Variants in CA7 observed in about 807,000 individuals in gnomAD.
The protein encoded by CA7 is carbonate dehydratase VII.
Under a neutral mutation model 31.4 loss-of-function variants are expected in CA7, and 13 were observed. That is an observed-to-expected ratio of 0.41 (90% CI 0.27 to 0.66). CA7 has a LOEUF of 0.66. Among genes scored for constraint, CA7 ranks in the 30% least tolerant of loss-of-function variants. The pLI, the probability that CA7 is intolerant of heterozygous loss-of-function variation, is 0.28. For missense variants in CA7, 215 were observed against 351.0 expected, an observed-to-expected ratio of 0.61 and a Z score of 3.10; for synonymous variants, 128 against 133.2, an observed-to-expected ratio of 0.96 and a Z score of 0.27.
At chr16:66,852,594 AAAG>A (rs1292078032) in intron 5 of CA7, 115 bp from the exon 6 acceptor site, 4,116 of 258,190 alleles carry the variant, frequency 0.016, 1 homozygote, top group East Asian at 0.083. Flanking sequence ...AAGAAAAAAA[AAAG>A]AAAAGAAAAG....
rs756990569 is a variant in CA7 at position 66,847,036 on chromosome 16, C to T, written c.47C>T (p.Ser16Leu). The change falls in exon 2 of 7, where the codon TCG becomes TTG. Residue 16 changes from serine to leucine, a missense_variant. Coordinates refer to ENST00000338437, the MANE Select transcript of CA7 (RefSeq NM_005182.3). ...GWGYGQDDGP[S>L]HWHKLYPIAQ... ...CCCTCCTCCCCACCTGCAGGCCCCT[C>T]GCATTGGCACAAGCTGTATCCCATT... is the stretch of plus-strand genomic sequence containing the variant. 19 of 1,613,990 alleles carry T rather than the reference C, an allele frequency of 1.2e-5. No individual in the cohort carries two copies. The East Asian group carries it at 3.3e-4, about 28-fold the overall frequency.
chr16:66,850,500 C>A, intron 2 of CA7, 41 bp from the exon 3 acceptor site: 1 of 1,146,976 alleles, frequency 8.7e-7, no homozygotes, highest in Non-Finnish European at 1.3e-6. Flanking sequence ...GGCTGTCGGT[C>A]CTCTCCTACT....
intron 1 of CA7, among the ~76,000 whole-genome samples, chr16:66,846,403 C>G (rs1445571997): frequency 6.6e-6 from 1 of 152,160 alleles, no homozygotes; most frequent in Non-Finnish European, 1.5e-5. Flanking sequence ...ATAGGAAGAT[C>G]TCTATGGACT....
intron 2 of CA7, among the ~76,000 whole-genome samples, chr16:66,847,806 C>G (rs1960960005): frequency 6.6e-6 from 1 of 152,190 alleles, no homozygotes; most frequent in Non-Finnish European, 1.5e-5. Flanking sequence ...ACTTCAAGGT[C>G]CAACCATCTT....
intron 1 of CA7, among the ~76,000 whole-genome samples, chr16:66,846,259 G>T (rs1416532302): frequency 6.6e-6 from 1 of 152,030 alleles, no homozygotes; most frequent in Non-Finnish European, 1.5e-5. Context: ...CCAACAGAGG[G>T]GTTTGTGTGT....
chr16:66,850,492 C>A, intron 2 of CA7, 49 bp from the exon 3 acceptor site: 1 of 1,048,876 alleles, frequency 9.5e-7, no homozygotes, highest in Non-Finnish European at 1.5e-6. Context: ...TGGCACTGGG[C>A]TGTCGGTCCT....
intron 1 of CA7, chr16:66,844,939 T>G (rs1232128233): frequency 9.9e-7 from 1 of 1,009,978 alleles, no homozygotes; most frequent in African/African-American, 1.7e-5. Flanking sequence ...GCACGGCAAG[T>G]GAGCGGGGAC....
intron 5 of CA7, among the ~76,000 whole-genome samples, chr16:66,852,338 C>T (rs1362473122): frequency 3.3e-5 from 5 of 151,850 alleles, no homozygotes; most frequent in African/African-American, 1.2e-4. Context: ...TGGTGCATGC[C>T]TACAATCTCA....
intron 2 of CA7, among the ~76,000 whole-genome samples, chr16:66,848,292 T>C (rs986449770): frequency 1.3e-5 from 2 of 152,202 alleles, no homozygotes; most frequent in African/African-American, 4.8e-5. Context: ...TATTTCCTGG[T>C]ACTGAATTCT....
Position 66,850,617 on chromosome 16 carries a change from G to A in CA7, c.315G>A (p.Val105=), listed in dbSNP as rs772623713. 5.0e-6 allele frequency: 8 copies of A among 1,614,062 alleles called. No homozygotes were observed. The highest frequency in any genetic ancestry group is 4.4e-5 in the South Asian group (4 of 91,080). Residue 105 remains valine, a synonymous_variant, in exon 3 of 7, where the codon GTG becomes GTA. Transcript: ENST00000338437. Reference sequence around the variant, plus strand: ...TCCACTGGGGCAAGAAGCACGATGTGGGTTCTGAGCACACGGTGGACGGCA... The same window carrying A: ...TCCACTGGGGCAAGAAGCACGATGTAGGTTCTGAGCACACGGTGGACGGCA... ...FHFHWGKKHD[V]GSEHTVDGKS... is the part of the protein sequence containing the mutation.
chr16:66,846,891 G>C lies in CA7; in HGVS notation c.41-139G>C, dbSNP rs1159016898. 6 of 668,730 alleles carry C rather than the reference G, an allele frequency of 9.0e-6. No individual in the cohort carries two copies. The African/African-American group carries it at 1.1e-4, about 12-fold the overall frequency. 41.4% of individuals were successfully genotyped at this position (668,730 alleles called of 1,614,324 possible). A position where few individuals can be genotyped will look rare whatever the true frequency, so the allele number is the denominator to read the frequency against. On this transcript the variant is annotated intron_variant, in intron 1 of 6. Transcript: ENST00000338437. ...AGGGGAAATGGCAAAGCTGGGATTG[G>C]AACTCCAAGCTGTGCAGCTCCAATG...
chr16:66,850,354 T>C (rs141613872), intron 2 of CA7, among the ~76,000 whole-genome samples, 187 bp from the exon 3 acceptor site: 2,525 of 151,984 alleles, frequency 0.017, 36 homozygotes, highest in South Asian at 0.041. Context: ...GACAGGAGGA[T>C]GGCTTGAGGC....
chr16:66,845,846 C>T (rs958247502), intron 1 of CA7, among the ~76,000 whole-genome samples: 3 of 152,208 alleles, frequency 2.0e-5, no homozygotes, highest in Non-Finnish European at 2.9e-5. Flanking sequence ...GCCACCCCAT[C>T]ACCCAGGCAG....
At position 66,853,594 on chromosome 16, in the gene CA7, G is replaced by T; in HGVS notation, c.*96G>T. The T allele has an allele frequency of 2.0e-6, 3 of 1,523,704 alleles. No individual in the cohort carries two copies. Among genetic ancestry groups the T allele is most frequent in the Admixed American group, 1.8e-5 (1 of 54,936 alleles). 94.4% of individuals were successfully genotyped at this position (1,523,704 alleles called of 1,614,324 possible). A position where few individuals can be genotyped will look rare whatever the true frequency, so the allele number is the denominator to read the frequency against. Reference sequence around the variant, plus strand: ...CCATCTGAGGCTTCCTCCCTGGGGGGTGCTGGGGACCCTCCTTCAGCCAGT... The same window carrying T: ...CCATCTGAGGCTTCCTCCCTGGGGGTTGCTGGGGACCCTCCTTCAGCCAGT... On this transcript the variant is annotated 3_prime_UTR_variant, in exon 7 of 7. Coordinates refer to ENST00000338437, the MANE Select transcript of CA7 (RefSeq NM_005182.3). This position sits in a 1 kb window ranked among gnomAD's most constrained non-coding sequence, Gnocchi z 4.5.
In CA7 at chr16:66,851,488, A is replaced by G. The variant is rs372793869; in HGVS notation, c.383A>G (p.Lys128Arg). 49 of 1,614,060 alleles carry G rather than the reference A, an allele frequency of 3.0e-5. No homozygotes were observed. In the Middle Eastern group the frequency reaches 6.6e-4, roughly 22 times the overall value. Residue 128 changes from lysine to arginine, a missense_variant, in exon 4 of 7, where the codon AAG (lysine) becomes AGG (arginine). Transcript: ENST00000338437. ...SELHLVHWNAKKYSTFGEAAS... is the reference protein window; with the variant it reads ...SELHLVHWNARKYSTFGEAAS... ...CTGCATCTGGTTCACTGGAATGCCA[A>G]GAAGTACAGCACTTTTGGGGAGGCG... is the stretch of plus-strand genomic sequence containing the variant.
At position 66,853,280 on chromosome 16, in the gene CA7, G is replaced by A. The variant is rs1961106225; in HGVS notation, c.673-96G>A. 1 of 1,492,576 alleles carries A rather than the reference G, an allele frequency of 6.7e-7. No homozygotes were observed. Among genetic ancestry groups the A allele is most frequent in the East Asian group, 2.3e-5 (1 of 44,052 alleles). The allele number at this position is 1,492,576 out of a possible 1,614,324, so 92.5% of individuals were successfully genotyped here. Reference sequence around the variant, plus strand: ...CTAAGGGAAGGAGGAGGGAGGGGTAGAGCTGGCTGGGCAGGTATGCCAGAT... The same window carrying A: ...CTAAGGGAAGGAGGAGGGAGGGGTAAAGCTGGCTGGGCAGGTATGCCAGAT... On this transcript the variant is annotated intron_variant, in intron 6 of 6. Transcript: ENST00000338437. The surrounding 1 kb of genome is among the most constrained non-coding windows in gnomAD (Gnocchi z 4.5).
At chr16:66,844,849 T>G in intron 1 of CA7, 1 of 998,732 alleles carries the variant, frequency 1.0e-6, no homozygotes, top group Non-Finnish European at 1.2e-6. Flanking sequence ...GCCCCGGGCG[T>G]GCGCAGCGCG....
chr16:66,853,541 A>G lies in CA7; in HGVS notation c.*43A>G. On this transcript the variant is annotated 3_prime_UTR_variant, in exon 7 of 7. Coordinates refer to ENST00000338437, the MANE Select transcript of CA7 (RefSeq NM_005182.3). This position sits in a 1 kb window ranked among gnomAD's most constrained non-coding sequence, Gnocchi z 4.5. ...CCGGCCACTAGGGCACCATCTTCTC[A>G]AGGGCTTCCATGTCAGCAGACACCA... 6.2e-7 allele frequency: 1 copy of G among 1,608,686 alleles called. No homozygotes were observed. The highest frequency in any genetic ancestry group is 8.5e-7 in the Non-Finnish European group (1 of 1,177,830).
intron 2 of CA7, 67 bp from the exon 3 acceptor site, chr16:66,850,474 C>A: frequency 5.5e-6 from 5 of 909,260 alleles, no homozygotes; most frequent in Non-Finnish European, 5.6e-6. Flanking sequence ...GGGCTGCTGC[C>A]CTGGTCCTGG....
Sources: allele counts gnomAD v4.1 joint callset (sites outside exome capture counted in the v4.1 genomes callset), GRCh38; gene constraint gnomAD v4.1.1; non-coding constraint Gnocchi (gnomAD v3.1); transcripts MANE v1.5; gene names NCBI Gene and HGNC (gene_info 2026-07-23, HGNC 2026-07-21).